The following NGLY1 variants were observed in gnomAD, a reference collection of about 807,000 sequenced individuals.
NGLY1 encodes peptide-N(4)-(N-acetyl-beta-glucosaminyl)asparagine amidase.
NGLY1 carries 68 observed loss-of-function variants against 84.6 expected under a neutral mutation model. The ratio of observed to expected loss-of-function variants is 0.80; its 90% CI spans 0.66 to 0.98. NGLY1 has a LOEUF of 0.98. Among genes scored for constraint, NGLY1 ranks in the 50% least tolerant of loss-of-function variants. The pLI, the probability that NGLY1 is intolerant of heterozygous loss-of-function variation, is 0.00. For missense variants in NGLY1, 779 were observed against 770.2 expected, an observed-to-expected ratio of 1.01 and a Z score of -0.14; for synonymous variants, 280 against 275.2, an observed-to-expected ratio of 1.02 and a Z score of -0.17.
At chr3:25,744,659 A>G (rs1299457269) in intron 4 of NGLY1, among the ~76,000 whole-genome samples, 1 of 152,196 alleles carries the variant, frequency 6.6e-6, no homozygotes, top group African/African-American at 2.4e-5. Flanking sequence ...CAGTTAAAAA[A>G]CTACAGATCC....
chr3:25,730,794 A>G (rs1413452500), intron 9 of NGLY1, among the ~76,000 whole-genome samples: 2 of 152,162 alleles, frequency 1.3e-5, no homozygotes. Context: ...ACAATGGCAA[A>G]TTTAGAAAAA....
At chr3:25,739,820 C>A in intron 4 of NGLY1, 21 bp from the exon 5 acceptor site, 2 of 1,578,624 alleles carry the variant, frequency 1.3e-6, no homozygotes, top group Non-Finnish European at 1.7e-6. Context: ...AAGGGAGGAC[C>A]AAGTAAGAGC....
chr3:25,737,206 A>T, intron 6 of NGLY1, 128 bp downstream of exon 6: 1 of 719,298 alleles, frequency 1.4e-6, no homozygotes, highest in Non-Finnish European at 2.2e-6. Flanking sequence ...TTACTGTTTT[A>T]CACAAGGCAA....
upstream of NGLY1, among the ~76,000 whole-genome samples, chr3:25,783,773 G>A (rs553823396): frequency 6.6e-6 from 1 of 152,258 alleles, no homozygotes; most frequent in African/African-American, 2.4e-5. The surrounding 1 kb of genome is among the most constrained non-coding windows in gnomAD (Gnocchi z 4.5). Context: ...GGTCGTACAG[G>A]TTGGGAAGGG....
chr3:25,777,058 T>C (rs911357043), intron 2 of NGLY1, among the ~76,000 whole-genome samples: 4 of 152,186 alleles, frequency 2.6e-5, no homozygotes, highest in Non-Finnish European at 5.9e-5. Context: ...AGGAATTCTC[T>C]TTACAGCAAG....
At chr3:25,729,607 T>TA (rs755593259) in intron 9 of NGLY1, 8 of 185,300 alleles carry the variant, frequency 4.3e-5, no homozygotes, top group African/African-American at 7.0e-5. Context: ...CCACCACCAC[T>TA]ATCCCCCTAC....
intron 9 of NGLY1, among the ~76,000 whole-genome samples, chr3:25,731,016 T>A (rs1559532135): frequency 6.6e-6 from 1 of 152,180 alleles, no homozygotes; most frequent in South Asian, 2.1e-4. Context: ...TTTTACCTAG[T>A]CCCTTAACTT....
intron 3 of NGLY1, among the ~76,000 whole-genome samples, chr3:25,753,643 G>A (rs1706875629): frequency 2.0e-5 from 3 of 151,716 alleles, no homozygotes; most frequent in Admixed American, 2.0e-4. Context: ...TTACATTACA[G>A]ATTTCAGGTC....
At chr3:25,750,337 A>G (rs1339065907) in intron 4 of NGLY1, among the ~76,000 whole-genome samples, 3 of 152,190 alleles carry the variant, frequency 2.0e-5, no homozygotes, top group Non-Finnish European at 4.4e-5. Context: ...GGGGACACAG[A>G]GCCAAACCAT....
rs534248220 is a variant in NGLY1 at position 25,781,381 on chromosome 3, T to C, written c.131+1879A>G. Among the ~76,000 whole-genome samples the C allele has an allele frequency of 2.6e-5, 4 of 152,334 alleles. No homozygotes were observed. The South Asian group carries it at 8.3e-4, about 32-fold the overall frequency. On this transcript the variant is annotated intron_variant, in intron 1 of 11. Coordinates refer to ENST00000280700, the MANE Select transcript of NGLY1 (RefSeq NM_018297.4). ...CAAATTCTTTTTCTTATTAAGTATG[T>C]TGAGTAAACTGACCGTGGTTTTGTG... is the stretch of plus-strand genomic sequence containing the variant.
chr3:25,768,112 CAAAAAAAA>C, intron 2 of NGLY1, among the ~76,000 whole-genome samples: 1 of 49,152 alleles, frequency 2.0e-5, no homozygotes, highest in Admixed American at 2.7e-4. Flanking sequence ...GACTCCATCT[CAAAAAAAA>C]AAAAAAAAAA....
At chr3:25,769,502 G>C (rs551111821) in intron 2 of NGLY1, among the ~76,000 whole-genome samples, 7 of 152,198 alleles carry the variant, frequency 4.6e-5, no homozygotes, top group African/African-American at 1.4e-4. Flanking sequence ...AAACCACAAT[G>C]AGATATTATC....
At position 25,733,956 on chromosome 3, in the gene NGLY1, G is replaced by A; in HGVS notation, c.1176C>T (p.Ser392=). The change falls in exon 8 of 12, where the codon TCC becomes TCT. Residue 392 remains serine, a synonymous_variant. Coordinates refer to ENST00000280700, the MANE Select transcript of NGLY1 (RefSeq NM_018297.4). ...DEVVDVTWRY[S]CKHEEVIARR... ...TGGCAATCACCTCTTCATGTTTGCAGGAATATCGCCAAGTGACATCAACTA... is the reference window on the plus strand; with the variant it reads ...TGGCAATCACCTCTTCATGTTTGCAAGAATATCGCCAAGTGACATCAACTA... 1 of 1,613,528 alleles carries A rather than the reference G, an allele frequency of 6.2e-7. No individual in the cohort carries two copies. Among genetic ancestry groups the A allele is most frequent in the East Asian group, 2.2e-5 (1 of 44,832 alleles).
chr3:25,744,467 G>A (rs1313719740), intron 4 of NGLY1, among the ~76,000 whole-genome samples: 1 of 152,092 alleles, frequency 6.6e-6, no homozygotes, highest in Non-Finnish European at 1.5e-5. Context: ...ATTTTTGTCT[G>A]GAAAGGAAAA....
intron 8 of NGLY1, among the ~76,000 whole-genome samples, chr3:25,733,288 C>T (rs1243409373): frequency 2.0e-5 from 3 of 152,104 alleles, no homozygotes; most frequent in East Asian, 1.9e-4. Flanking sequence ...GCAAAATTCA[C>T]TGCTTATTTT....
intron 2 of NGLY1, among the ~76,000 whole-genome samples, chr3:25,774,855 G>C (rs1040107029): frequency 1.3e-5 from 2 of 152,308 alleles, no homozygotes; most frequent in Admixed American, 6.5e-5. Flanking sequence ...GTGTTCAGCT[G>C]CAAGTTTCAT....
intron 4 of NGLY1, among the ~76,000 whole-genome samples, chr3:25,743,761 A>C (rs1454359227): frequency 1.3e-5 from 2 of 152,210 alleles, no homozygotes; most frequent in Admixed American, 6.5e-5. Flanking sequence ...CATTATCAAG[A>C]CCAAGAAGAA....
At chr3:25,787,564 A>T (rs185949422), upstream of NGLY1, among the ~76,000 whole-genome samples, 138 of 152,290 alleles carry the variant, frequency 9.1e-4, no homozygotes, top group South Asian at 2.1e-3. Flanking sequence ...TAAGTTAAAT[A>T]TTTTAAGTGG....
intron 1 of NGLY1, among the ~76,000 whole-genome samples, chr3:25,779,483 C>T (rs1042997731): frequency 6.6e-6 from 1 of 152,162 alleles, no homozygotes; most frequent in African/African-American, 2.4e-5. Flanking sequence ...TGATAAGTTT[C>T]ATACCTGACA....
Sources: gnomAD v4.1 joint callset for allele counts (sites outside exome capture counted in the v4.1 genomes callset) on GRCh38, gnomAD v4.1.1 for gene constraint, Gnocchi (gnomAD v3.1) non-coding constraint, MANE v1.5 for transcripts, NCBI Gene and HGNC (gene_info 2026-07-23, HGNC 2026-07-21) for gene names.